The following PCDH15 variants were observed in gnomAD, a reference collection of about 807,000 sequenced individuals.
PCDH15 encodes protocadherin related 15.
A neutral mutation model predicts 178.5 loss-of-function variants in PCDH15; 129 were observed. The observed-to-expected ratio is 0.72, with a 90% CI of 0.63 to 0.84. PCDH15 has a LOEUF of 0.84. Ranked by LOEUF, PCDH15 falls within the 40% of genes least tolerant of loss-of-function variation. The pLI is 0.00. For missense variants in PCDH15, 2,230 were observed against 2,099.9 expected, an observed-to-expected ratio of 1.06 and a Z score of -1.21; for synonymous variants, 800 against 732.0, an observed-to-expected ratio of 1.09 and a Z score of -1.50.
chr10:55,550,462 T>C (rs1423267507), intron 2 of PCDH15, among the ~76,000 whole-genome samples: 2 of 152,138 alleles, frequency 1.3e-5, no homozygotes, highest in Non-Finnish European at 2.9e-5. Flanking sequence ...TCCGTGTTCT[T>C]ATAGAATACA....
At chr10:55,522,062 T>C (rs1467404522) in intron 2 of PCDH15, among the ~76,000 whole-genome samples, 1 of 151,956 alleles carries the variant, frequency 6.6e-6, no homozygotes, top group Non-Finnish European at 1.5e-5. Context: ...TCTGTATATC[T>C]AGAAATAGAA....
chr10:55,537,513 G>T (rs761860071), intron 2 of PCDH15, among the ~76,000 whole-genome samples: 1 of 150,374 alleles, frequency 6.7e-6, no homozygotes, highest in Admixed American at 6.7e-5. Context: ...CTGGCTCACT[G>T]CAAGCTCCGC....
chr10:55,553,249 G>C (rs1393767838), intron 2 of PCDH15, among the ~76,000 whole-genome samples: 1 of 148,524 alleles, frequency 6.7e-6, no homozygotes, highest in Non-Finnish European at 1.5e-5. Flanking sequence ...ATGTTATTTT[G>C]TGTGGTTCAC....
At chr10:55,322,663 C>A (rs533320567), upstream of PCDH15, among the ~76,000 whole-genome samples, 1 of 151,946 alleles carries the variant, frequency 6.6e-6, no homozygotes, top group Non-Finnish European at 1.5e-5. Context: ...TCACATGTTG[C>A]CCCTACCCTA....
At chr10:54,548,229 TACTC>T (rs1318500133) in intron 2 of PCDH15, among the ~76,000 whole-genome samples, 11 of 147,958 alleles carry the variant, frequency 7.4e-5, no homozygotes, top group East Asian at 3.9e-4. Flanking sequence ...ATATATAAAA[TACTC>T]ACATGTTTTT....
Position 54,796,837 on chromosome 10 carries a change from C to G in PCDH15, c.-29+4088G>C, listed in dbSNP as rs74136292. On this transcript the variant is annotated intron_variant, in intron 1 of 37. Coordinates refer to ENST00000644397, the MANE Select transcript of PCDH15 (RefSeq NM_001384140.1). Reference sequence around the variant, plus strand: ...TCTAAAGTAATAAAAACCTCTCATCCAGTTTTAATGACCCTTTTCTGGATT... The same window carrying G: ...TCTAAAGTAATAAAAACCTCTCATCGAGTTTTAATGACCCTTTTCTGGATT... Among the ~76,000 whole-genome samples the G allele has an allele frequency of 6.0e-3, 916 of 152,060 alleles. 12 individuals are homozygous for G. The highest frequency in any genetic ancestry group is 0.021 in the African/African-American group (879 of 41,498).
chr10:54,903,995 A>T (rs1954680875), intron 2 of PCDH15, among the ~76,000 whole-genome samples: 1 of 151,992 alleles, frequency 6.6e-6, no homozygotes, highest in Non-Finnish European at 1.5e-5. Context: ...GGCACAAATA[A>T]CTGCCTTTTT....
At chr10:54,169,932 G>A (rs1036230954) in intron 13 of PCDH15, among the ~76,000 whole-genome samples, 60 of 150,564 alleles carry the variant, frequency 4.0e-4, no homozygotes, top group Middle Eastern at 3.4e-3. Flanking sequence ...TATCCACCCC[G>A]TGCTGCCAAA....
At chr10:54,522,873 T>C (rs2083016252) in intron 3 of PCDH15, among the ~76,000 whole-genome samples, 1 of 152,218 alleles carries the variant, frequency 6.6e-6, no homozygotes, top group Non-Finnish European at 1.5e-5. Flanking sequence ...AGCTGTTTTG[T>C]TGTAAAAATG....
At chr10:55,410,114 T>C (rs933777260) in intron 2 of PCDH15, among the ~76,000 whole-genome samples, 2 of 152,152 alleles carry the variant, frequency 1.3e-5, no homozygotes, top group Non-Finnish European at 2.9e-5. Context: ...GTTATTATTA[T>C]AGCTGATTTT....
chr10:54,172,237 T>A (rs1001651985), intron 13 of PCDH15, among the ~76,000 whole-genome samples: 14 of 152,194 alleles, frequency 9.2e-5, no homozygotes, highest in East Asian at 3.9e-4. Flanking sequence ...AAGTGATGAC[T>A]TTACCTTGTG....
chr10:54,931,912 C>A (rs558648957), intron 2 of PCDH15, among the ~76,000 whole-genome samples: 7 of 152,136 alleles, frequency 4.6e-5, no homozygotes, highest in Admixed American at 6.6e-5. Context: ...TGCTACTTAA[C>A]CCTAGGGAAA....
intron 2 of PCDH15, among the ~76,000 whole-genome samples, chr10:55,150,683 T>C (rs1414197604): frequency 6.6e-6 from 1 of 152,128 alleles, no homozygotes; most frequent in Non-Finnish European, 1.5e-5. Flanking sequence ...ATGATATTTC[T>C]CTTAAATGCA....
chr10:54,506,113 G>A (rs551230357), intron 3 of PCDH15, among the ~76,000 whole-genome samples: 1 of 152,132 alleles, frequency 6.6e-6, no homozygotes, highest in East Asian at 1.9e-4. Flanking sequence ...CACAGTTCAT[G>A]AATCAGATCA....
intron 1 of PCDH15, among the ~76,000 whole-genome samples, chr10:54,766,724 T>C (rs1948552838): frequency 1.3e-5 from 2 of 151,800 alleles, no homozygotes; most frequent in South Asian, 2.1e-4. Context: ...GATCAGGAGA[T>C]AGAGACCATC....
chr10:54,485,619 A>G (rs951879892), intron 3 of PCDH15, among the ~76,000 whole-genome samples: 1 of 151,996 alleles, frequency 6.6e-6, no homozygotes, highest in African/African-American at 2.4e-5. Context: ...TTCAACTGTG[A>G]TATATTCATG....
chr10:53,958,978 CAAAAAAAAAAAAAAA>C (rs71004497), intron 23 of PCDH15, among the ~76,000 whole-genome samples: 1 of 45,818 alleles, frequency 2.2e-5, no homozygotes, highest in African/African-American at 9.5e-5. Context: ...GACTCCATCT[CAAAAAAAAAAAAAAA>C]AAAAAAAAAA....
chr10:54,385,358 T>C (rs1949792287), intron 3 of PCDH15, among the ~76,000 whole-genome samples: 1 of 152,162 alleles, frequency 6.6e-6, no homozygotes, highest in African/African-American at 2.4e-5. Context: ...ATACTAAATG[T>C]GAATTAGAAC....
intron 5 of PCDH15, among the ~76,000 whole-genome samples, chr10:54,362,418 C>T (rs980659160): frequency 9.2e-5 from 14 of 151,956 alleles, no homozygotes; most frequent in Admixed American, 8.5e-4. Flanking sequence ...TTTCTATATA[C>T]TTGTTATGTC....
Sources: allele counts gnomAD v4.1 joint callset (sites outside exome capture counted in the v4.1 genomes callset), GRCh38; gene constraint gnomAD v4.1.1; transcripts MANE v1.5; gene names NCBI Gene and HGNC (gene_info 2026-07-23, HGNC 2026-07-21).